The following TSHR variants were observed in gnomAD, a reference collection of about 807,000 sequenced individuals.
TSHR encodes the protein thyrotropin receptor.
Under a neutral mutation model 64.1 loss-of-function variants are expected in TSHR, and 51 were observed. The observed-to-expected ratio is 0.80, with a 90% CI of 0.64 to 1.01. TSHR has a LOEUF of 1.01. TSHR is among the 50% of genes least tolerant of loss of function. The probability of loss-of-function intolerance (pLI) is 0.00; values close to 1 mark genes in which losing one functional copy is unlikely to be tolerated. For synonymous variants in TSHR, 361 were observed against 361.9 expected, an observed-to-expected ratio of 1.00 and a Z score of 0.03; for missense variants, 877 against 942.8, an observed-to-expected ratio of 0.93 and a Z score of 0.91.
intron 8 of TSHR, among the ~76,000 whole-genome samples, chr14:81,138,350 C>T (rs913369709): frequency 2.6e-5 from 4 of 151,768 alleles, no homozygotes; most frequent in Non-Finnish European, 5.9e-5. Context: ...GCCACCATAC[C>T]CGGCTAATTT....
chr14:81,012,919 T>C (rs1329175746), intron 1 of TSHR: 2 of 152,248 alleles, frequency 1.3e-5, no homozygotes, highest in Non-Finnish European at 2.9e-5. Context: ...GTAGTTTCTT[T>C]TGCTGTGCAG....
chr14:81,017,707 A>G (rs1883492170), intron 1 of TSHR, among the ~76,000 whole-genome samples: 1 of 152,188 alleles, frequency 6.6e-6, no homozygotes, highest in African/African-American at 2.4e-5. Context: ...GGAAAAGTAT[A>G]AGTTAGAAAG....
chr14:81,048,330 A>C (rs1885269910), intron 1 of TSHR, among the ~76,000 whole-genome samples: 1 of 152,194 alleles, frequency 6.6e-6, no homozygotes, highest in South Asian at 2.1e-4. Context: ...ATGAAAAAAA[A>C]CATTGATTCC....
At chr14:81,121,310 CCT>C (rs1246617045) in intron 8 of TSHR, among the ~76,000 whole-genome samples, 4 of 152,096 alleles carry the variant, frequency 2.6e-5, no homozygotes, top group African/African-American at 9.7e-5. Flanking sequence ...ATGCCCTCAG[CCT>C]TCTCAATGGC....
intron 1 of TSHR, among the ~76,000 whole-genome samples, chr14:80,980,997 C>T (rs528390131): frequency 3.3e-5 from 5 of 152,118 alleles, no homozygotes; most frequent in African/African-American, 4.8e-5. Flanking sequence ...TTTAAAAAAA[C>T]TTATTTTATA....
intron 2 of TSHR, among the ~76,000 whole-genome samples, chr14:81,063,407 C>T (rs745390509): frequency 1.2e-4 from 19 of 152,142 alleles, no homozygotes; most frequent in Non-Finnish European, 2.5e-4. Flanking sequence ...CCTAATACAG[C>T]TAATTTCCAA....
intron 3 of TSHR, among the ~76,000 whole-genome samples, chr14:81,077,951 T>C (rs1358460498): frequency 6.6e-6 from 1 of 151,430 alleles, no homozygotes; most frequent in South Asian, 2.1e-4. Context: ...GTAAGAACCT[T>C]TTGAAATTAA....
intron 3 of TSHR, among the ~76,000 whole-genome samples, chr14:81,085,306 A>G (rs924119783): frequency 1.3e-5 from 2 of 152,178 alleles, no homozygotes; most frequent in African/African-American, 4.8e-5. Context: ...AACTACTGGC[A>G]GTCTACGACC....
chr14:80,964,184 G>A lies in TSHR; in HGVS notation c.170+8334G>A, dbSNP rs377551034. ...AGATCGAGACCATCCTGGCTAACACGGTGAAACCCAGTGTTTAAAAGTCCA... is the reference window on the plus strand; with the variant it reads ...AGATCGAGACCATCCTGGCTAACACAGTGAAACCCAGTGTTTAAAAGTCCA... On this transcript the variant is annotated intron_variant, in intron 1 of 9. Coordinates refer to ENST00000298171, the MANE Select transcript of TSHR (RefSeq NM_000369.5). 2.2e-4 allele frequency among the ~76,000 whole-genome samples: 33 copies of A among 152,206 alleles called. No individual in the cohort carries two copies. In the South Asian group the frequency reaches 6.0e-3, roughly 28 times the overall value.
intron 3 of TSHR, among the ~76,000 whole-genome samples, chr14:81,086,139 G>C (rs986798627): frequency 6.6e-6 from 1 of 152,214 alleles, no homozygotes; most frequent in African/African-American, 2.4e-5. Context: ...GGTATAAACT[G>C]TTGATGCTTT....
At chr14:81,125,875 C>T (rs911035012) in intron 8 of TSHR, among the ~76,000 whole-genome samples, 2 of 151,790 alleles carry the variant, frequency 1.3e-5, no homozygotes, top group African/African-American at 4.8e-5. Flanking sequence ...GTCACACGCT[C>T]ACATCTCCAG....
chr14:81,112,245 G>A (rs1424788711), intron 8 of TSHR, among the ~76,000 whole-genome samples: 1 of 151,864 alleles, frequency 6.6e-6, no homozygotes, highest in African/African-American at 2.4e-5. Flanking sequence ...GATAATAAAG[G>A]AACTAAATAT....
At chr14:81,094,679 ATTTTTTTT>A (rs1162262371) in intron 6 of TSHR, among the ~76,000 whole-genome samples, 5 of 76,262 alleles carry the variant, frequency 6.6e-5, no homozygotes, top group African/African-American at 3.3e-4. Flanking sequence ...TATTTTTTTA[ATTTTTTTT>A]TTTTTTTTTT....
At position 81,143,967 on chromosome 14, in the gene TSHR, A is replaced by G. The variant is rs1891823722; in HGVS notation, c.1909A>G (p.Met637Val). Residue 637 changes from methionine (M) to valine (V), a missense_variant, in exon 10 of 10, where the codon ATG becomes GTG. Transcript: ENST00000298171. ...AVLIFTDFIC[M>V]APISFYALSA... ...GTTGATCTTCACCGACTTCATATGC[A>G]TGGCCCCAATCTCATTCTATGCTCT... is the stretch of plus-strand genomic sequence containing the variant. 6.2e-7 allele frequency: 1 copy of G among 1,614,146 alleles called. No individual in the cohort carries two copies. The highest frequency in any genetic ancestry group is 2.2e-5 in the East Asian group (1 of 44,872).
At chr14:80,979,520 T>C (rs1283718357) in intron 1 of TSHR, among the ~76,000 whole-genome samples, 1 of 152,186 alleles carries the variant, frequency 6.6e-6, no homozygotes, top group Non-Finnish European at 1.5e-5. Flanking sequence ...AGAGATGATG[T>C]TGAATGTTCT....
At chr14:81,084,755 T>G (rs1169231308) in intron 3 of TSHR, among the ~76,000 whole-genome samples, 6 of 152,224 alleles carry the variant, frequency 3.9e-5, no homozygotes, top group African/African-American at 1.4e-4. Flanking sequence ...GCTAGCCTCC[T>G]GCACACTCAG....
chr14:81,074,272 A>T (rs1887329428), intron 3 of TSHR, among the ~76,000 whole-genome samples: 1 of 152,210 alleles, frequency 6.6e-6, no homozygotes, highest in Admixed American at 6.5e-5. Flanking sequence ...AATGTTTCTA[A>T]TATGTATCTG....
intron 9 of TSHR, among the ~76,000 whole-genome samples, 191 bp from the exon 10 acceptor site, chr14:81,142,749 A>C (rs1891749367): frequency 6.6e-6 from 1 of 151,604 alleles, no homozygotes; most frequent in African/African-American, 2.4e-5. Flanking sequence ...AGCTACGACC[A>C]TAGGCACATA....
intron 1 of TSHR, among the ~76,000 whole-genome samples, chr14:81,006,545 G>T (rs991958748): frequency 2.0e-5 from 3 of 150,722 alleles, no homozygotes; most frequent in Non-Finnish European, 4.4e-5. Flanking sequence ...TCTGAGTCTT[G>T]CTCTGTCACC....
Sources: allele counts gnomAD v4.1 joint callset (sites outside exome capture counted in the v4.1 genomes callset), GRCh38; gene constraint gnomAD v4.1.1; transcripts MANE v1.5; gene names NCBI Gene and HGNC (gene_info 2026-07-23, HGNC 2026-07-21).